The following FRYL variants were observed in gnomAD, a reference collection of about 807,000 sequenced individuals.
The protein encoded by FRYL is FRY like transcription coactivator, also known as protein furry homolog-like.
A neutral mutation model predicts 351.2 loss-of-function variants in FRYL; 150 were observed. That is an observed-to-expected ratio of 0.43 (90% confidence interval 0.37 to 0.49). The LOEUF is 0.49. FRYL is among the 20% of genes least tolerant of loss of function. The pLI, the probability that FRYL is intolerant of heterozygous loss-of-function variation, is 0.00. For missense variants in FRYL, 3,036 were observed against 3,619.3 expected, an observed-to-expected ratio of 0.84 and a Z score of 4.13; for synonymous variants, 1,153 against 1,257.1, an observed-to-expected ratio of 0.92 and a Z score of 1.75.
rs1433377622 is a variant in FRYL, at chr4:48,580,847, T to C, written c.2259+18A>G. 4 of 1,535,580 alleles carry C rather than the reference T, an allele frequency of 2.6e-6. No homozygotes were observed. The highest frequency in any genetic ancestry group is 3.6e-6 in the Non-Finnish European group (4 of 1,110,570). On this transcript the variant is annotated intron_variant, in intron 22 of 63. Coordinates refer to ENST00000358350, the MANE Select transcript of FRYL (RefSeq NM_015030.2). ...AGTCTCAAAACAAGATTGGGTAGAA[T>C]GAAGTCACTATAGTTACCTGATCAG...
intron 3 of FRYL, among the ~76,000 whole-genome samples, chr4:48,663,428 A>G (rs1316327140): frequency 6.6e-6 from 1 of 151,636 alleles, no homozygotes; most frequent in Non-Finnish European, 1.5e-5. Context: ...CAAAAGAAAG[A>G]AAAGCGGGTG....
At chr4:48,625,707 T>C (rs924912794) in intron 4 of FRYL, among the ~76,000 whole-genome samples, 3 of 152,120 alleles carry the variant, frequency 2.0e-5, no homozygotes, top group African/African-American at 7.2e-5. Context: ...AAGGGAGGTC[T>C]TGGCACAATC....
At chr4:48,547,881 G>T (rs1731709332) in intron 40 of FRYL, 112 bp from the exon 41 acceptor site, 1 of 692,436 alleles carries the variant, frequency 1.4e-6, no homozygotes, top group Admixed American at 3.5e-5. Context: ...TTCATGGAAG[G>T]TGACATATTA....
chr4:48,650,820 G>A (rs1349933377), intron 3 of FRYL, among the ~76,000 whole-genome samples: 1 of 152,162 alleles, frequency 6.6e-6, no homozygotes, highest in African/African-American at 2.4e-5. Flanking sequence ...CAATATTCCA[G>A]GTGATGATGA....
intron 59 of FRYL, 176 bp from the exon 60 acceptor site, chr4:48,505,791 G>A (rs2148724247): frequency 1.9e-6 from 1 of 518,142 alleles, no homozygotes; most frequent in South Asian, 3.2e-5. Context: ...ACAAAAGCAG[G>A]GATAGCATTA....
In FRYL at chr4:48,715,477, T is replaced by C. The variant is rs534900814; in HGVS notation, c.-383-4779A>G. Among the ~76,000 whole-genome samples, 16 of 151,652 alleles carry C rather than the reference T, an allele frequency of 1.1e-4. No individual in the cohort carries two copies. The South Asian group carries it at 2.1e-3, about 20-fold the overall frequency. On this transcript the variant is annotated intron_variant, in intron 1 of 63. Transcript: ENST00000358350. ...AATCACAAGCATTCTTATACACCAA[T>C]AACAGACAAACAGAGAGCCAAATCA...
intron 35 of FRYL, among the ~76,000 whole-genome samples, chr4:48,553,652 TAAAAAAAAAAA>T (rs948888541): frequency 3.7e-5 from 4 of 107,258 alleles, no homozygotes; most frequent in South Asian, 2.8e-4. Context: ...TTCTTTACTT[TAAAAAAAAAAA>T]AAAAAAAAAA....
At chr4:48,751,428 T>C (rs1306627568) in intron 1 of FRYL, among the ~76,000 whole-genome samples, 2 of 152,154 alleles carry the variant, frequency 1.3e-5, no homozygotes, top group East Asian at 1.9e-4. Context: ...CTTAAACTTA[T>C]ATATCCCAAA....
intron 2 of FRYL, among the ~76,000 whole-genome samples, chr4:48,696,757 C>T (rs1766208132): frequency 6.6e-6 from 1 of 151,348 alleles, no homozygotes; most frequent in Non-Finnish European, 1.5e-5. Context: ...TATTATTTTT[C>T]TCCTGCCTGC....
At chr4:48,776,158 T>C (rs988102217) in intron 1 of FRYL, among the ~76,000 whole-genome samples, 1 of 151,246 alleles carries the variant, frequency 6.6e-6, no homozygotes, top group African/African-American at 2.4e-5. Flanking sequence ...GTTTCTTTTT[T>C]TTTTTTTTAA....
At position 48,739,903 on chromosome 4, in the gene FRYL, T is replaced by C. The variant is rs151145230; in HGVS notation, c.-383-29205A>G. On this transcript the variant is annotated intron_variant, in intron 1 of 63. Transcript: ENST00000358350. ...ATCATGGGAACAGAACTGGTGGTTTTGTAAGTAAGAGACCTGAGCTAGAAC... is the reference window on the plus strand; with the variant it reads ...ATCATGGGAACAGAACTGGTGGTTTCGTAAGTAAGAGACCTGAGCTAGAAC... Among the ~76,000 whole-genome samples the C allele has an allele frequency of 4.4e-3, 664 of 152,304 alleles. 8 individuals are homozygous for C. Among genetic ancestry groups the C allele is most frequent in the African/African-American group, 0.014 (599 of 41,566 alleles).
chr4:48,630,885 G>A (rs899459507), intron 4 of FRYL, among the ~76,000 whole-genome samples: 5 of 152,102 alleles, frequency 3.3e-5, no homozygotes, highest in African/African-American at 9.7e-5. Flanking sequence ...TATCTGACAA[G>A]CCCTGGATGC....
At chr4:48,655,076 A>G (rs1758547173) in intron 3 of FRYL, among the ~76,000 whole-genome samples, 1 of 152,230 alleles carries the variant, frequency 6.6e-6, no homozygotes, top group Non-Finnish European at 1.5e-5. Context: ...ATGGCTAGGC[A>G]CTGTATCATA....
Position 48,550,689 on chromosome 4 carries a change from G to C in FRYL, c.4536C>G (p.Asp1512Glu), listed in dbSNP as rs374278813. ...ENIEESYVHL[D>E]IYSGLNSHLN... ...AATGACTGTTTAGTCCACTGTAAAT[G>C]TCCAGGTGCACATAGCTATGGGAAT... Residue 1512 changes from aspartate to glutamate, a missense_variant, in exon 38 of 64, where the codon GAC becomes GAG. By Grantham distance (45) the Asp-to-Glu change is conservative. Coordinates refer to ENST00000358350, the MANE Select transcript of FRYL (RefSeq NM_015030.2). 2 of 1,611,886 alleles carry C rather than the reference G, an allele frequency of 1.2e-6. No individual in the cohort carries two copies. Among genetic ancestry groups the C allele is most frequent in the Middle Eastern group, 1.6e-4 (1 of 6,084 alleles).
At chr4:48,772,861 TAACAAC>T (rs956515966) in intron 1 of FRYL, among the ~76,000 whole-genome samples, 2 of 152,178 alleles carry the variant, frequency 1.3e-5, no homozygotes, top group Non-Finnish European at 2.9e-5. Flanking sequence ...CAGATGCTTT[TAACAAC>T]AACAACACTT....
At position 48,728,970 on chromosome 4, in the gene FRYL, AG is replaced by A. The variant is rs1770404836; in HGVS notation, c.-383-18273del. On this transcript the variant is annotated intron_variant, in intron 1 of 63. Coordinates refer to ENST00000358350, the MANE Select transcript of FRYL (RefSeq NM_015030.2). Reference sequence around the variant, plus strand: ...TCAGGGGATTTCCCTTTCCTAGCCAAGGGAAGCCGTGAGTGACTGTACCTGG... The same window carrying A: ...TCAGGGGATTTCCCTTTCCTAGCCAAGGAAGCCGTGAGTGACTGTACCTGG... Among the ~76,000 whole-genome samples, 2 of 152,188 alleles carry A rather than the reference AG, an allele frequency of 1.3e-5. 1 individual carries two copies. The highest frequency in any genetic ancestry group is 4.1e-4 in the South Asian group (2 of 4,828).
At chr4:48,652,734 C>G (rs1414899199) in intron 3 of FRYL, among the ~76,000 whole-genome samples, 3 of 152,088 alleles carry the variant, frequency 2.0e-5, no homozygotes, top group Non-Finnish European at 4.4e-5. Context: ...GCTTAAAAAA[C>G]AAAACTACAC....
intron 3 of FRYL, chr4:48,681,183 C>A: frequency 1.3e-6 from 1 of 750,920 alleles, no homozygotes; most frequent in Non-Finnish European, 1.7e-6. Flanking sequence ...CCTATACCAA[C>A]TTCCTTGATG....
intron 56 of FRYL, 115 bp downstream of exon 56, chr4:48,514,913 G>C: frequency 2.2e-6 from 2 of 896,134 alleles, no homozygotes; most frequent in South Asian, 3.8e-5. Context: ...TATGATTACA[G>C]ACTGAAACAC....
Sources: allele counts gnomAD v4.1 joint callset (sites outside exome capture counted in the v4.1 genomes callset), GRCh38; gene constraint gnomAD v4.1.1; transcripts MANE v1.5; gene names NCBI Gene and HGNC (gene_info 2026-07-23, HGNC 2026-07-21).